Variants in GALNTL6 observed in about 807,000 individuals in gnomAD.
GALNTL6 encodes polypeptide N-acetylgalactosaminyltransferase-like 6.
GALNTL6 carries 46 observed loss-of-function variants against 73.7 expected under a neutral mutation model. The ratio of observed to expected loss-of-function variants is 0.62; its 90% confidence interval spans 0.49 to 0.80. GALNTL6 has a LOEUF of 0.80. Among genes scored for constraint, GALNTL6 ranks in the 30% least tolerant of loss-of-function variants. The probability of loss-of-function intolerance (pLI) is 0.00; values close to 1 mark genes in which losing one functional copy is unlikely to be tolerated. For synonymous variants in GALNTL6, 259 were observed against 263.7 expected (o/e 0.98, Z 0.17); for missense variants, 604 against 755.0 (o/e 0.80, Z 2.34).
At chr4:172,829,569 G>T (rs720029) in intron 7 of GALNTL6, among the ~76,000 whole-genome samples, 1 of 152,162 alleles carries the variant, frequency 6.6e-6, no homozygotes, top group Admixed American at 6.5e-5. Flanking sequence ...CTTCAAATGC[G>T]TATTTAGACA....
At chr4:172,046,741 A>T (rs1009385065) in intron 2 of GALNTL6, among the ~76,000 whole-genome samples, 1 of 152,070 alleles carries the variant, frequency 6.6e-6, no homozygotes, top group South Asian at 2.1e-4. Context: ...CTGTTGAGTT[A>T]TGTGAGTTTC....
chr4:172,963,619 G>A (rs1561059159), intron 10 of GALNTL6, among the ~76,000 whole-genome samples: 1 of 152,266 alleles, frequency 6.6e-6, no homozygotes, highest in Non-Finnish European at 1.5e-5. Context: ...TGTCCCACCT[G>A]CCATTCACAG....
chr4:172,247,760 C>G (rs1044549427), intron 3 of GALNTL6, among the ~76,000 whole-genome samples: 4 of 152,120 alleles, frequency 2.6e-5, no homozygotes, highest in Admixed American at 2.0e-4. Flanking sequence ...ACAGATGATT[C>G]TTCTTTTTCT....
chr4:172,789,439 G>A (rs1225159101), intron 5 of GALNTL6, among the ~76,000 whole-genome samples: 2 of 152,142 alleles, frequency 1.3e-5, no homozygotes, highest in Admixed American at 6.5e-5. Context: ...TAGCTCGTCA[G>A]CTATCGTTTG....
chr4:172,586,969 G>T (rs1237508175), intron 5 of GALNTL6, among the ~76,000 whole-genome samples: 2 of 152,184 alleles, frequency 1.3e-5, no homozygotes, highest in Admixed American at 6.5e-5. Flanking sequence ...TCTTTTAACA[G>T]TGTAAGGTAC....
chr4:172,291,157 C>A (rs1739458739), intron 3 of GALNTL6, among the ~76,000 whole-genome samples: 1 of 152,100 alleles, frequency 6.6e-6, no homozygotes, highest in Non-Finnish European at 1.5e-5. Context: ...TAATATAATA[C>A]ATAAAGCTGA....
intron 5 of GALNTL6, among the ~76,000 whole-genome samples, chr4:172,397,598 A>G (rs1579033981): frequency 1.0e-5 from 1 of 96,992 alleles, no homozygotes; most frequent in Non-Finnish European, 2.1e-5. Flanking sequence ...TATTTATTTA[A>G]AATGGAGTCT....
intron 2 of GALNTL6, among the ~76,000 whole-genome samples, chr4:171,846,774 A>G (rs1005010726): frequency 1.3e-5 from 2 of 148,286 alleles, no homozygotes; most frequent in African/African-American, 4.9e-5. Context: ...AGATATATCT[A>G]TAGATATATA....
At chr4:172,760,754 T>C (rs1300035776) in intron 5 of GALNTL6, among the ~76,000 whole-genome samples, 1 of 151,976 alleles carries the variant, frequency 6.6e-6, no homozygotes, top group Non-Finnish European at 1.5e-5. Context: ...AGGACCCTGA[T>C]CCCTCGCCCC....
At chr4:171,935,116 C>A (rs975163128) in intron 2 of GALNTL6, among the ~76,000 whole-genome samples, 1 of 152,056 alleles carries the variant, frequency 6.6e-6, no homozygotes. Flanking sequence ...CCCTAAGTTG[C>A]TTGGGCAGTG....
At chr4:172,819,821 A>T (rs544937922) in intron 7 of GALNTL6, among the ~76,000 whole-genome samples, 1 of 152,252 alleles carries the variant, frequency 6.6e-6, no homozygotes, top group Admixed American at 6.5e-5. Flanking sequence ...TTCCATGGAG[A>T]TTTTCACCTC....
chr4:171,825,477 A>G (rs916818007), intron 2 of GALNTL6, among the ~76,000 whole-genome samples: 1 of 152,150 alleles, frequency 6.6e-6, no homozygotes, highest in Admixed American at 6.6e-5. Context: ...ATGTAATGGA[A>G]TTGTCCCCCC....
intron 8 of GALNTL6, among the ~76,000 whole-genome samples, chr4:172,884,722 G>A (rs1745632574): frequency 6.6e-6 from 1 of 152,060 alleles, no homozygotes; most frequent in East Asian, 1.9e-4. Context: ...TGTTTCCCCA[G>A]CATTTTCTTC....
At chr4:172,039,474 A>G (rs1742025972) in intron 2 of GALNTL6, among the ~76,000 whole-genome samples, 1 of 152,194 alleles carries the variant, frequency 6.6e-6, no homozygotes, top group Non-Finnish European at 1.5e-5. Flanking sequence ...TGCCAGAAGC[A>G]TTGGCTATAT....
At chr4:172,793,316 G>C (rs1740099024) in intron 5 of GALNTL6, among the ~76,000 whole-genome samples, 1 of 152,130 alleles carries the variant, frequency 6.6e-6, no homozygotes, top group African/African-American at 2.4e-5. Flanking sequence ...CAAGTTTTCA[G>C]AGTCAGTCAG....
chr4:171,942,005 A>G (rs1477433057), intron 2 of GALNTL6, among the ~76,000 whole-genome samples: 2 of 152,166 alleles, frequency 1.3e-5, no homozygotes, highest in East Asian at 3.8e-4. Context: ...TCATGCTCAA[A>G]GTTATTCAGG....
At chr4:171,885,156 C>G (rs563387065) in intron 2 of GALNTL6, among the ~76,000 whole-genome samples, 1 of 152,060 alleles carries the variant, frequency 6.6e-6, no homozygotes, top group South Asian at 2.1e-4. Context: ...TACATGGTCT[C>G]GCATGAAGTC....
chr4:172,527,684 A>T (rs1735010099), intron 5 of GALNTL6, among the ~76,000 whole-genome samples: 1 of 152,180 alleles, frequency 6.6e-6, no homozygotes, highest in Admixed American at 6.6e-5. Context: ...GACACATAAG[A>T]TCAATGCACT....
intron 2 of GALNTL6, among the ~76,000 whole-genome samples, chr4:171,832,970 T>A (rs1341796187): frequency 2.0e-5 from 3 of 151,784 alleles, no homozygotes; most frequent in Non-Finnish European, 3.0e-5. Flanking sequence ...TTGTGAACAA[T>A]TTTTCCATTT....
Sources: allele counts gnomAD v4.1 joint callset (sites outside exome capture counted in the v4.1 genomes callset), GRCh38; gene constraint gnomAD v4.1.1; transcripts MANE v1.5; gene names NCBI Gene and HGNC (gene_info 2026-07-23, HGNC 2026-07-21).